Variants in SLC10A7 observed in about 807,000 individuals in gnomAD.
The protein encoded by SLC10A7 is sodium/bile acid cotransporter 7.
In SLC10A7, 29 loss-of-function variants were observed where a neutral mutation model predicts 43.2. The observed-to-expected ratio is 0.67, with a 90% CI of 0.50 to 0.92. The LOEUF (loss-of-function observed/expected upper bound fraction) is 0.92, where lower values mean the gene tolerates loss of function less well. Among genes scored for constraint, SLC10A7 ranks in the 40% least tolerant of loss-of-function variants. SLC10A7 has a pLI of 0.00. For synonymous variants in SLC10A7, 152 were observed against 144.8 expected, an observed-to-expected ratio of 1.05 and a Z score of -0.35; for missense variants, 295 against 403.2, an observed-to-expected ratio of 0.73 and a Z score of 2.30.
At chr4:146,304,261 T>G (rs1471805867) in intron 7 of SLC10A7, among the ~76,000 whole-genome samples, 2 of 151,388 alleles carry the variant, frequency 1.3e-5, no homozygotes, top group African/African-American at 4.9e-5. Context: ...CAAACATAAC[T>G]GCTGTTGGAG....
rs193088504 is a variant in SLC10A7, at chr4:146,461,289, T to C, written c.397-18468A>G. 4.6e-5 allele frequency among the ~76,000 whole-genome samples: 7 copies of C among 152,212 alleles called. No individual in the cohort carries two copies. The East Asian group carries it at 1.4e-3, about 29-fold the overall frequency. ...TCTGATTTCAAAACAACTTGTCACA[T>C]ACTTAGCTATGAAAACTCATTACAT... On this transcript the variant is annotated intron_variant, in intron 4 of 11. Transcript: ENST00000335472.
At chr4:146,310,891 G>T (rs879721870) in intron 6 of SLC10A7, among the ~76,000 whole-genome samples, 4 of 149,628 alleles carry the variant, frequency 2.7e-5, no homozygotes, top group Non-Finnish European at 5.9e-5. Flanking sequence ...GTGAAACAGG[G>T]GAAGGGGGCA....
chr4:146,300,171 C>T (rs1378934718), intron 7 of SLC10A7, among the ~76,000 whole-genome samples: 1 of 151,940 alleles, frequency 6.6e-6, no homozygotes, highest in African/African-American at 2.4e-5. Context: ...AATCTGGGGT[C>T]TTGGTGAGAC....
At position 146,283,150 on chromosome 4, in the gene SLC10A7, T is replaced by C. The variant is rs1162228001; in HGVS notation, c.847+42A>G. ...ATATCAAAGTCATAAGATGTAACTA[T>C]ATGAGGGTAATAGGTGGTTTTTAAC... On this transcript the variant is annotated intron_variant, in intron 10 of 11. Coordinates refer to ENST00000335472, the MANE Select transcript of SLC10A7 (RefSeq NM_001029998.6). The C allele has an allele frequency of 4.8e-6, 7 of 1,449,228 alleles. No individual in the cohort carries two copies. In the African/African-American group the frequency reaches 8.4e-5, roughly 17 times the overall value. 89.8% of individuals were successfully genotyped at this position (1,449,228 alleles called of 1,614,324 possible).
chr4:146,417,093 C>T (rs1728629009), intron 5 of SLC10A7, among the ~76,000 whole-genome samples: 1 of 152,128 alleles, frequency 6.6e-6, no homozygotes, highest in Admixed American at 6.5e-5. Flanking sequence ...TTGTTGTATT[C>T]CCTCACTAGA....
At chr4:146,378,582 G>A (rs1737376234) in intron 5 of SLC10A7, among the ~76,000 whole-genome samples, 1 of 152,122 alleles carries the variant, frequency 6.6e-6, no homozygotes, top group Non-Finnish European at 1.5e-5. Flanking sequence ...AAGAAGGAAA[G>A]GTGTTTGTGT....
intron 4 of SLC10A7, among the ~76,000 whole-genome samples, chr4:146,497,299 C>T (rs897253408): frequency 6.6e-6 from 1 of 152,104 alleles, no homozygotes; most frequent in African/African-American, 2.4e-5. Context: ...TTTCATGGTT[C>T]GAATTACCAG....
At chr4:146,391,595 T>C (rs746211819) in intron 5 of SLC10A7, among the ~76,000 whole-genome samples, 2 of 152,220 alleles carry the variant, frequency 1.3e-5, no homozygotes, top group African/African-American at 2.4e-5. Context: ...TGGTCAATTG[T>C]TAGGGACAGA....
rs553015810 is a variant in SLC10A7 at position 146,399,827 on chromosome 4, T to A, written c.435+42956A>T. On this transcript the variant is annotated intron_variant, in intron 5 of 11. Transcript: ENST00000335472. ...TTTGCGCACAGTAAGCTTGAAATAC[T>A]TTTTAGATATCTAGGATGGAACATA... is the stretch of plus-strand genomic sequence containing the variant. 3.3e-5 allele frequency among the ~76,000 whole-genome samples: 5 copies of A among 152,232 alleles called. No homozygotes were observed. In the South Asian group the frequency reaches 1.0e-3, roughly 32 times the overall value.
intron 5 of SLC10A7, among the ~76,000 whole-genome samples, chr4:146,417,137 A>G (rs1728633247): frequency 6.6e-6 from 1 of 152,202 alleles, no homozygotes; most frequent in Non-Finnish European, 1.5e-5. Flanking sequence ...TGTTTTATAC[A>G]TTTTCATAGC....
chr4:146,291,950 A>ATAT (rs1730471804), intron 9 of SLC10A7, among the ~76,000 whole-genome samples: 1 of 152,216 alleles, frequency 6.6e-6, no homozygotes, highest in Admixed American at 6.5e-5. Flanking sequence ...GTAACGTATA[A>ATAT]TAAAGGTGGA....
rs549147521 is a variant in SLC10A7, at chr4:146,295,803, A to G, written c.556-1708T>C. ...ATAAAATAAATGGAAATTACATGAAATTATTGAAATTGTTGCTGCCCTTCA... is the reference window on the plus strand; with the variant it reads ...ATAAAATAAATGGAAATTACATGAAGTTATTGAAATTGTTGCTGCCCTTCA... On this transcript the variant is annotated intron_variant, in intron 7 of 11. Transcript: ENST00000335472. Among the ~76,000 whole-genome samples, 9 of 152,314 alleles carry G rather than the reference A, an allele frequency of 5.9e-5. No homozygotes were observed. The South Asian group carries it at 1.9e-3, about 32-fold the overall frequency.
intron 5 of SLC10A7, among the ~76,000 whole-genome samples, chr4:146,435,066 T>C (rs1730107730): frequency 6.6e-6 from 1 of 152,144 alleles, no homozygotes; most frequent in Non-Finnish European, 1.5e-5. Context: ...GAGCATACAG[T>C]AGGAAGTCCA....
intron 9 of SLC10A7, among the ~76,000 whole-genome samples, chr4:146,292,650 C>A (rs550881575): frequency 5.3e-5 from 8 of 152,132 alleles, no homozygotes; most frequent in South Asian, 4.2e-4. Flanking sequence ...ATGGTTTGCA[C>A]CTGAAAATCA....
chr4:146,363,936 G>A (rs145903982), intron 5 of SLC10A7, among the ~76,000 whole-genome samples: 25 of 151,604 alleles, frequency 1.6e-4, no homozygotes, highest in Middle Eastern at 3.4e-3. Context: ...ACAATGAATC[G>A]TAAAGAACTA....
rs565126319 is a variant in SLC10A7, at chr4:146,380,364, G to A, written c.436-54368C>T. 2.0e-5 allele frequency among the ~76,000 whole-genome samples: 3 copies of A among 152,192 alleles called. No homozygotes were observed. In the South Asian group the frequency reaches 6.2e-4, roughly 32 times the overall value. On this transcript the variant is annotated intron_variant, in intron 5 of 11. Coordinates refer to ENST00000335472, the MANE Select transcript of SLC10A7 (RefSeq NM_001029998.6). ...ATAGGCTTGTGATATTATATTAATT[G>A]TACTTGCAAAACATGGTTATGCAAT...
intron 1 of SLC10A7, among the ~76,000 whole-genome samples, chr4:146,520,564 A>C (rs1192561282): frequency 6.6e-6 from 1 of 152,200 alleles, no homozygotes; most frequent in Non-Finnish European, 1.5e-5. Flanking sequence ...TAAGGGGAGA[A>C]GGGACCACTG....
intron 10 of SLC10A7, among the ~76,000 whole-genome samples, chr4:146,279,551 A>C (rs1041096430): frequency 1.3e-5 from 2 of 152,182 alleles, no homozygotes; most frequent in Admixed American, 6.6e-5. Flanking sequence ...GGGAGAGTTC[A>C]TGGCTTTTAT....
At chr4:146,259,639 T>A (rs1728099845) in intron 10 of SLC10A7, among the ~76,000 whole-genome samples, 1 of 152,214 alleles carries the variant, frequency 6.6e-6, no homozygotes, top group African/African-American at 2.4e-5. Flanking sequence ...ACAGTGAATG[T>A]CTTCATGGAA....
Sources: allele counts gnomAD v4.1 joint callset (sites outside exome capture counted in the v4.1 genomes callset), GRCh38; gene constraint gnomAD v4.1.1; transcripts MANE v1.5; gene names NCBI Gene and HGNC (gene_info 2026-07-23, HGNC 2026-07-21).